HEATR3: variants seen among roughly 807,000 people sequenced by gnomAD.
HEATR3 encodes HEAT repeat-containing protein 3.
Under a neutral mutation model 72.8 loss-of-function variants are expected in HEATR3, and 56 were observed. The ratio of observed to expected loss-of-function variants is 0.77; its 90% CI spans 0.62 to 0.96. The LOEUF is 0.96. HEATR3 is among the 40% of genes least tolerant of loss of function. The pLI is 0.00. For missense variants in HEATR3, 747 were observed against 831.4 expected (o/e 0.90, Z 1.25); for synonymous variants, 331 against 318.1 (o/e 1.04, Z -0.43).
Position 50,106,639 on chromosome 16 carries a change from G to A in HEATR3, c.*1578G>A, listed in dbSNP as rs1323435923. 1.3e-5 allele frequency: 2 copies of A among 152,108 alleles called. No homozygotes were observed. The highest frequency in any genetic ancestry group is 3.2e-3 in the Middle Eastern group (1 of 316). The allele number at this position is 152,108 out of a possible 1,614,324, so 9.4% of individuals were successfully genotyped here. On this transcript the variant is annotated 3_prime_UTR_variant, in exon 15 of 15. Coordinates refer to ENST00000299192, the MANE Select transcript of HEATR3 (RefSeq NM_182922.4). Reference sequence around the variant, plus strand: ...GCTGGGCCTCTGAACCGGCTTCATTGTCCATCCGTTTGCCTGATGAGAAGG... The same window carrying A: ...GCTGGGCCTCTGAACCGGCTTCATTATCCATCCGTTTGCCTGATGAGAAGG...
rs144313659 is a variant in HEATR3 at position 50,075,272 on chromosome 16, C to T, written c.623-299C>T. On this transcript the variant is annotated intron_variant, in intron 5 of 14. Coordinates refer to ENST00000299192, the MANE Select transcript of HEATR3 (RefSeq NM_182922.4). ...GCAGAGGTTGTAGTGAGCTGAGATG[C>T]GCCACTGCATTCCAGCCTGGGTGAC... Among the ~76,000 whole-genome samples, 29 of 146,704 alleles carry T rather than the reference C, an allele frequency of 2.0e-4. No homozygotes were observed. The East Asian group carries it at 5.6e-3, about 28-fold the overall frequency.
chr16:50,080,867 A>T (rs1012231162), intron 7 of HEATR3, among the ~76,000 whole-genome samples: 4 of 152,034 alleles, frequency 2.6e-5, no homozygotes, highest in Non-Finnish European at 5.9e-5. Context: ...GTTTCTGTTG[A>T]TCCTATCTGA....
At chr16:50,078,620 G>A (rs2035112684) in intron 6 of HEATR3, 121 bp from the exon 7 acceptor site, 2 of 896,772 alleles carry the variant, frequency 2.2e-6, no homozygotes, top group South Asian at 1.8e-5. Flanking sequence ...AATGAACAAA[G>A]GCAGTAGGGC....
At chr16:50,071,715 A>T (rs769598804) in intron 4 of HEATR3, among the ~76,000 whole-genome samples, 5 of 152,200 alleles carry the variant, frequency 3.3e-5, no homozygotes, top group Non-Finnish European at 7.3e-5. Flanking sequence ...TAGATAGAAG[A>T]TATGAAATAT....
Position 50,076,906 on chromosome 16 carries a change from C to T in HEATR3, c.763+1195C>T, listed in dbSNP as rs1378151896. 2.1e-5 allele frequency among the ~76,000 whole-genome samples: 3 copies of T among 140,530 alleles called. No individual in the cohort carries two copies. The Admixed American group carries it at 2.2e-4, about 10-fold the overall frequency. The allele number at this position is 140,530 out of a possible 152,430, so 92.2% of individuals were successfully genotyped here. A position where few individuals can be genotyped will look rare whatever the true frequency, so the allele number is the denominator to read the frequency against. Reference sequence around the variant, plus strand: ...TTTTTGGAGACTGAGTCTCGCTCTGCCGCCCAGGCTGGAGTGCGTGGCGCG... The same window carrying T: ...TTTTTGGAGACTGAGTCTCGCTCTGTCGCCCAGGCTGGAGTGCGTGGCGCG... On this transcript the variant is annotated intron_variant, in intron 6 of 14. Coordinates refer to ENST00000299192, the MANE Select transcript of HEATR3 (RefSeq NM_182922.4).
intron 5 of HEATR3, chr16:50,073,381 C>T (rs1386145350): frequency 6.6e-6 from 1 of 152,266 alleles, no homozygotes; most frequent in African/African-American, 2.4e-5. Context: ...CATTTCTTTT[C>T]TACCGATCAT....
intron 12 of HEATR3, among the ~76,000 whole-genome samples, chr16:50,095,503 G>T: frequency 6.6e-6 from 1 of 150,664 alleles, no homozygotes; most frequent in East Asian, 2.0e-4. Context: ...TCTCCCATAG[G>T]TGCCTTACCA....
chr16:50,066,370 C>T lies in HEATR3; in HGVS notation c.142C>T (p.Gln48Ter). 1 of 1,550,510 alleles carries T rather than the reference C, an allele frequency of 6.4e-7. No homozygotes were observed. The highest frequency in any genetic ancestry group is 8.6e-7 in the Non-Finnish European group (1 of 1,159,348). The stretch of plus-strand genomic sequence containing the variant: ...CCCTTTTCGCTCTCATCCGCAGCTC[C>T]AGCACCCGAGCGCCGAGGTCCGCGA... ...GPAAELLEKL[Q>*]HPSAEVRECA... is the part of the protein sequence containing the mutation. Residue 48 changes from glutamine (Q) to a stop codon, truncating the protein, a stop_gained, in exon 2 of 15, where the codon CAG (glutamine) becomes TAG (stop). Coordinates refer to ENST00000299192, the MANE Select transcript of HEATR3 (RefSeq NM_182922.4). LOFTEE classifies it high-confidence loss of function.
In HEATR3 at chr16:50,089,376, G is replaced by A. The variant is rs80010935; in HGVS notation, c.1510+3025G>A. On this transcript the variant is annotated intron_variant, in intron 11 of 14. Coordinates refer to ENST00000299192, the MANE Select transcript of HEATR3 (RefSeq NM_182922.4). ...GTATTCACCTAATGACATGTGCTCA[G>A]TTACTTCCAGGGATTGGTAGTCTGA... Among the ~76,000 whole-genome samples, 688 of 127,614 alleles carry A rather than the reference G, an allele frequency of 5.4e-3. 9 individuals carry two copies. Among genetic ancestry groups the A allele is most frequent in the African/African-American group, 0.018 (649 of 35,542 alleles). The allele number at this position is 127,614 out of a possible 152,430, so 83.7% of individuals were successfully genotyped here.
chr16:50,083,189 A>G (rs1182022564), intron 7 of HEATR3, among the ~76,000 whole-genome samples: 1 of 152,234 alleles, frequency 6.6e-6, no homozygotes, highest in Non-Finnish European at 1.5e-5. Flanking sequence ...TTCAAATAGT[A>G]AAATATACAT....
chr16:50,087,325 T>C (rs1319154722), intron 11 of HEATR3, among the ~76,000 whole-genome samples: 1 of 152,204 alleles, frequency 6.6e-6, no homozygotes, highest in Non-Finnish European at 1.5e-5. Context: ...TAATTTCATA[T>C]GCACACAAAG....
At chr16:50,069,340 A>G (rs763873930) in intron 3 of HEATR3, 33 of 160,432 alleles carry the variant, frequency 2.1e-4, no homozygotes, top group Non-Finnish European at 4.3e-4. Flanking sequence ...GACATAGTCA[A>G]GAGGTTAAGG....
intron 6 of HEATR3, among the ~76,000 whole-genome samples, chr16:50,077,064 C>T (rs1042708144): frequency 6.6e-5 from 10 of 151,686 alleles, no homozygotes; most frequent in South Asian, 2.1e-4. Context: ...TTAGTAAAGA[C>T]GGGGTTTCAC....
At chr16:50,081,705 G>C (rs1264597050) in intron 7 of HEATR3, among the ~76,000 whole-genome samples, 1 of 152,124 alleles carries the variant, frequency 6.6e-6, no homozygotes, top group Non-Finnish European at 1.5e-5. Context: ...CACTCCTTTA[G>C]AATCAAAACT....
chr16:50,083,865 C>G (rs1416089466), intron 7 of HEATR3, 72 bp from the exon 8 acceptor site: 1 of 1,397,686 alleles, frequency 7.2e-7, no homozygotes, highest in East Asian at 2.3e-5. Context: ...TAGGCTTTCA[C>G]TAAGGAAATT....
chr16:50,083,905 G>A, intron 7 of HEATR3, 32 bp from the exon 8 acceptor site: 3 of 1,542,536 alleles, frequency 1.9e-6, no homozygotes, highest in Non-Finnish European at 2.6e-6. Flanking sequence ...ACCATTGAGA[G>A]TTGGTCATTT....
chr16:50,084,013 T>G lies in HEATR3; in HGVS notation c.1118T>G (p.Met373Arg), dbSNP rs1386462038. Residue 373 changes from methionine (M) to arginine (R), a missense_variant, in exon 8 of 15, where the codon ATG (methionine) becomes AGG (arginine). This residue lies in a region of HEATR3 where 586 missense variants were observed against 708.8 expected (regional missense o/e 0.83). Transcript: ENST00000299192. ...QQTALEIIVN[M>R]CCNEDPSDDE... is the part of the protein sequence containing the mutation. ...ACTGCTCTGGAAATTATTGTCAACA[T>G]GTGCTGCAATGAAGGTTTGTTAACA... 6.2e-7 allele frequency: 1 copy of G among 1,613,830 alleles called. No individual in the cohort carries two copies. The highest frequency in any genetic ancestry group is 1.3e-5 in the African/African-American group (1 of 74,842).
chr16:50,072,035 T>A (rs561714805), intron 4 of HEATR3, among the ~76,000 whole-genome samples: 8 of 152,218 alleles, frequency 5.3e-5, no homozygotes, highest in Non-Finnish European at 1.2e-4. Context: ...TAAAATATAA[T>A]TTTATTTTCC....
At chr16:50,087,658 CCT>C (rs2037017226) in intron 11 of HEATR3, among the ~76,000 whole-genome samples, 1 of 152,122 alleles carries the variant, frequency 6.6e-6, no homozygotes, top group African/African-American at 2.4e-5. Context: ...GGAATCTGCC[CCT>C]CTCTCTCAGC....
Sources: gnomAD v4.1 joint callset for allele counts (sites outside exome capture counted in the v4.1 genomes callset) on GRCh38, gnomAD v4.1.1 for gene constraint, gnomAD v4.1.1 regional missense constraint, MANE v1.5 for transcripts, NCBI Gene and HGNC (gene_info 2026-07-23, HGNC 2026-07-21) for gene names.